The following BRME1 variants were observed in gnomAD, a reference collection of about 807,000 sequenced individuals.
BRME1 encodes the protein break repair meiotic recombinase recruitment factor 1.
BRME1 carries 31 observed loss-of-function variants against 52.6 expected under a neutral mutation model. The ratio of observed to expected loss-of-function variants is 0.59; its 90% CI spans 0.44 to 0.80. The LOEUF is 0.80. BRME1 is among the 30% of genes least tolerant of loss of function. The pLI is 0.00. For missense variants in BRME1, 804 were observed against 860.3 expected, an observed-to-expected ratio of 0.93 and a Z score of 0.82; for synonymous variants, 359 against 353.6, an observed-to-expected ratio of 1.02 and a Z score of -0.17.
At position 13,888,132 on chromosome 19, in the gene BRME1, C is replaced by A. The variant is rs1407325964; in HGVS notation, c.1668+1056G>T. 6.6e-6 allele frequency among the ~76,000 whole-genome samples: 1 copy of A among 152,070 alleles called. No individual in the cohort carries two copies. The highest frequency in any genetic ancestry group is 2.4e-5 in the African/African-American group (1 of 41,408). On this transcript the variant is annotated intron_variant, in intron 6 of 8. Transcript: ENST00000586783. The surrounding 1 kb of genome is among the most constrained non-coding windows in gnomAD (Gnocchi z 4.1). ...AGAGATGGGGCTTCACCATGTTGGC[C>A]AGGCTGGTCCTGCTCTCCTGCCTCG...
rs551002745 is a variant in BRME1 at position 13,889,425 on chromosome 19, C to T, written c.1431G>A (p.Pro477=). ...TGTGTTCCAGCACAACAGAGGCTTG[C>T]GGGGACACACGGAACCCCTCGAGGT... The part of the protein sequence containing the change: ...ERDLEGFRVS[P]QASVVLEHRE... The change falls in exon 6 of 9, where the codon CCG becomes CCA. Residue 477 remains proline, a synonymous_variant. Coordinates refer to ENST00000586783, the MANE Select transcript of BRME1 (RefSeq NM_001345843.2). 3.2e-5 allele frequency: 52 copies of T among 1,613,896 alleles called. No homozygotes were observed. In the South Asian group the frequency reaches 4.0e-4, roughly 12 times the overall value.
rs1394720345 is a variant in BRME1, at chr19:13,890,009, C to T, written c.847G>A (p.Ala283Thr). ...CCTGGAGCAGGGCCTGAGGTAGGAG[C>T]TGATGCTGGGGTACAGGGGACACCG... ...GDGVPCTPASAPTSGPAPGLG... is the reference protein window; with the variant it reads ...GDGVPCTPASTPTSGPAPGLG... Residue 283 changes from alanine to threonine, a missense_variant, in exon 6 of 9, where the codon GCT (alanine) becomes ACT (threonine). Coordinates refer to ENST00000586783, the MANE Select transcript of BRME1 (RefSeq NM_001345843.2). 1.9e-6 allele frequency: 3 copies of T among 1,613,236 alleles called. No homozygotes were observed. Among genetic ancestry groups the T allele is most frequent in the Non-Finnish European group, 2.5e-6 (3 of 1,179,990 alleles).
chr19:13,899,151 C>CTTTT (rs561611001), intron 2 of BRME1, among the ~76,000 whole-genome samples: 4 of 137,426 alleles, frequency 2.9e-5, no homozygotes, highest in Non-Finnish European at 4.7e-5. Flanking sequence ...TCTTCTTCTT[C>CTTTT]TTTTTTTTTT....
rs2420167 is a variant in BRME1, at chr19:13,888,018, A to G, written c.1668+1170T>C. Among the ~76,000 whole-genome samples the G allele has an allele frequency of 0.34, 51,799 of 151,872 alleles. 11,975 individuals are homozygous for G. Among genetic ancestry groups the G allele is most frequent in the African/African-American group, 0.66 (27,374 of 41,372 alleles). ...TGGCTCACTGCAACCTCAGTCTCCC[A>G]GGTTCAAGTGATTCTTCTGCCTCAG... On this transcript the variant is annotated intron_variant, in intron 6 of 8. Coordinates refer to ENST00000586783, the MANE Select transcript of BRME1 (RefSeq NM_001345843.2). The surrounding 1 kb of genome is among the most constrained non-coding windows in gnomAD (Gnocchi z 4.1).
chr19:13,897,982 C>T (rs1262291005), intron 2 of BRME1, among the ~76,000 whole-genome samples: 4 of 151,842 alleles, frequency 2.6e-5, no homozygotes, highest in Non-Finnish European at 4.4e-5. Flanking sequence ...ACCTGTAATC[C>T]CAGCTACTTG....
rs764766078 is a variant in BRME1, at chr19:13,890,308, ACCG to A, written c.545_547del (p.Ala182del). 1.1e-5 allele frequency: 18 copies of A among 1,607,828 alleles called. No homozygotes were observed. In the South Asian group the frequency reaches 2.0e-4, roughly 18 times the overall value. On this transcript the variant is annotated inframe_deletion, in exon 6 of 9. Coordinates refer to ENST00000586783, the MANE Select transcript of BRME1 (RefSeq NM_001345843.2). ...AGGCTGAGAATCCCCACTGCCGGGC[ACCG>A]CCTGCACAGGGCTCTGGCTGCTCTG...
At chr19:13,900,864 G>A (rs781238372) in intron 2 of BRME1, among the ~76,000 whole-genome samples, 1 of 151,992 alleles carries the variant, frequency 6.6e-6, no homozygotes, top group Non-Finnish European at 1.5e-5. Flanking sequence ...TACAGATGGG[G>A]TTTCACCATG....
chr19:13,898,878 G>A (rs543482213), intron 2 of BRME1, among the ~76,000 whole-genome samples: 4 of 142,286 alleles, frequency 2.8e-5, no homozygotes, highest in South Asian at 2.2e-4. Context: ...AGCCGATATC[G>A]CGTCATTGCA....
chr19:13,889,026 C>G (rs1313869024), intron 6 of BRME1, among the ~76,000 whole-genome samples, 162 bp downstream of exon 6: 2 of 152,198 alleles, frequency 1.3e-5, no homozygotes, highest in Non-Finnish European at 2.9e-5. Flanking sequence ...CGACTCCACA[C>G]CCAGTAGAGC....
chr19:13,891,993 A>G (rs1599334873), intron 5 of BRME1, among the ~76,000 whole-genome samples: 1 of 151,952 alleles, frequency 6.6e-6, no homozygotes, highest in East Asian at 2.0e-4. Flanking sequence ...AAATCACTTG[A>G]ACCCAGGAGG....
intron 6 of BRME1, 86 bp downstream of exon 6, chr19:13,889,102 T>C (rs1969251250): frequency 7.8e-7 from 1 of 1,279,010 alleles, no homozygotes. Context: ...GCTCCCCCTC[T>C]GCCACTGCAC....
At chr19:13,893,019 C>T (rs1157772198) in intron 4 of BRME1, 123 bp downstream of exon 4, 2 of 1,339,142 alleles carry the variant, frequency 1.5e-6, no homozygotes, top group Admixed American at 2.0e-5. Context: ...CCTCTGGGCA[C>T]ATTCCCTCCA....
rs1052996775 is a variant in BRME1, at chr19:13,901,984, C to T, written c.31+2878G>A. On this transcript the variant is annotated intron_variant, in intron 2 of 8. Transcript: ENST00000586783. ...GAGCCTGGGGAGGTCGAGGCTGCAG[C>T]GAGCTATGATTGTGCCACTGCTCTC... Among the ~76,000 whole-genome samples, 8 of 149,810 alleles carry T rather than the reference C, an allele frequency of 5.3e-5. 1 individual carries two copies. The South Asian group carries it at 6.4e-4, about 12-fold the overall frequency.
At position 13,904,901 on chromosome 19, in the gene BRME1, C is replaced by T; in HGVS notation, c.-9G>A. On this transcript the variant is annotated 5_prime_UTR_variant, in exon 2 of 9. Transcript: ENST00000586783. The stretch of plus-strand genomic sequence containing the variant: ...TTCTTCCTCTTAGTCATTTTATCTT[C>T]CCCTTGAGAAATCTGAAAACAAGCA... The T allele has an allele frequency of 6.2e-7, 1 of 1,613,070 alleles. No individual in the cohort carries two copies.
In BRME1 at chr19:13,883,727, C is replaced by T. The variant is rs1051799449; in HGVS notation, c.1764-327G>A. 9 of 296,598 alleles carry T rather than the reference C, an allele frequency of 3.0e-5. No individual in the cohort carries two copies. Among genetic ancestry groups the T allele is most frequent in the African/African-American group, 1.5e-4 (7 of 46,508 alleles). The allele number at this position is 296,598 out of a possible 1,614,324, so 18.4% of individuals were successfully genotyped here. ...AGCTCAGAGGCAAGCCCTCTCCTCC[C>T]GCAGCTGTGCACCACCTGCCTGCCC... is the stretch of plus-strand genomic sequence containing the variant. On this transcript the variant is annotated intron_variant, in intron 7 of 8. Transcript: ENST00000586783. This position sits in a 1 kb window ranked among gnomAD's most constrained non-coding sequence, Gnocchi z 4.2.
intron 2 of BRME1, among the ~76,000 whole-genome samples, chr19:13,896,870 C>T (rs1969942996): frequency 6.6e-6 from 1 of 151,422 alleles, no homozygotes; most frequent in Admixed American, 6.6e-5. Context: ...TTTTCTTTTG[C>T]TTTTGTTTTG....
intron 6 of BRME1, 114 bp from the exon 7 acceptor site, chr19:13,886,169 C>T (rs146363563): frequency 5.0e-5 from 40 of 805,470 alleles, no homozygotes; most frequent in Non-Finnish European, 7.1e-5. Context: ...CAGCAGGTCA[C>T]ATCGGGGCTG....
Position 13,890,234 on chromosome 19 carries a change from T to A in BRME1, c.622A>T (p.Ser208Cys). The change falls in exon 6 of 9, where the codon AGC becomes TGC. Residue 208 changes from serine to cysteine, a missense_variant. Around this residue, in one of 3 missense-constraint regions of BRME1, gnomAD observed 18 missense variants for 41.1 expected, o/e 0.44. Coordinates refer to ENST00000586783, the MANE Select transcript of BRME1 (RefSeq NM_001345843.2). ...CCTTGTTCTGACAGGTGGTCTTGGC[T>A]GGCCCTCTGTGAGGCGGACAACCCC... ...GTGLSASQRA[S>C]QDHLSEQGAD... The A allele has an allele frequency of 1.9e-6, 3 of 1,614,192 alleles. No homozygotes were observed. The highest frequency in any genetic ancestry group is 2.5e-6 in the Non-Finnish European group (3 of 1,180,008).
chr19:13,889,754 G>T lies in BRME1; in HGVS notation c.1102C>A (p.Pro368Thr). ...GCGGCCTTCCTCCTGGGAGAGGCAG[G>T]TGATATGGCACTGGCCTGCCCATCG... ...GPDGQASAIS[P>T]ASPRRKAADG... Residue 368 changes from proline to threonine, a missense_variant, in exon 6 of 9, where the codon CCT (proline) becomes ACT (threonine). Pro to Thr is a conservative substitution (Grantham distance 38). This residue lies in a region of BRME1 where 552 missense variants were observed against 561.1 expected (regional missense o/e 0.98). Coordinates refer to ENST00000586783, the MANE Select transcript of BRME1 (RefSeq NM_001345843.2). 1 of 1,610,316 alleles carries T rather than the reference G, an allele frequency of 6.2e-7. No homozygotes were observed. Among genetic ancestry groups the T allele is most frequent in the Non-Finnish European group, 8.5e-7 (1 of 1,179,122 alleles).
Sources: allele counts gnomAD v4.1 joint callset (sites outside exome capture counted in the v4.1 genomes callset), GRCh38; gene constraint gnomAD v4.1.1; regional missense constraint gnomAD v4.1.1; non-coding constraint Gnocchi (gnomAD v3.1); transcripts MANE v1.5; gene names NCBI Gene and HGNC (gene_info 2026-07-23, HGNC 2026-07-21).